Variants in PDS5B observed in about 807,000 individuals in gnomAD.
The protein encoded by PDS5B is PDS5 cohesin associated factor B, also known as sister chromatid cohesion protein PDS5 homolog B.
In PDS5B, 51 loss-of-function variants were observed where a neutral mutation model predicts 184.1. The ratio of observed to expected loss-of-function variants is 0.28; its 90% CI spans 0.22 to 0.35. The LOEUF (loss-of-function observed/expected upper bound fraction) is 0.35, where lower values mean the gene tolerates loss of function less well. PDS5B is among the 10% of genes least tolerant of loss of function. The pLI is 1.00. For synonymous variants in PDS5B, 566 were observed against 569.2 expected (o/e 0.99, Z 0.08); for missense variants, 1,180 against 1,723.3 (o/e 0.68, Z 5.58).
chr13:32,652,117 G>C (rs556017198), intron 3 of PDS5B, 110 bp downstream of exon 3: 1 of 736,454 alleles, frequency 1.4e-6, no homozygotes, highest in Non-Finnish European at 2.3e-6. Context: ...TTTGACATTA[G>C]CTACAGTAAT....
chr13:32,648,695 T>A (rs1442987364), intron 1 of PDS5B, 59 bp from the exon 2 acceptor site: 2 of 722,322 alleles, frequency 2.8e-6, no homozygotes, highest in African/African-American at 3.6e-5. Context: ...ACCATTTATG[T>A]TTGTTAAGAA....
rs1373600091 is a variant in PDS5B, at chr13:32,622,652, C to T, written c.-19-26102C>T. On this transcript the variant is annotated intron_variant, in intron 1 of 34. Transcript: ENST00000315596. The stretch of plus-strand genomic sequence containing the variant: ...TTAAAACTTGTACTGTGCCGGTGGA[C>T]ATGTTGGTTTGTCCCTCCGGGTCTA... Among the ~76,000 whole-genome samples the T allele has an allele frequency of 2.0e-5, 3 of 152,092 alleles. No individual in the cohort carries two copies. The East Asian group carries it at 5.8e-4, about 29-fold the overall frequency.
chr13:32,743,681 T>A (rs1171434513), intron 23 of PDS5B, among the ~76,000 whole-genome samples: 3 of 152,282 alleles, frequency 2.0e-5, no homozygotes, highest in Non-Finnish European at 1.5e-5. Flanking sequence ...TTGCTTATAC[T>A]GTATTCTTTG....
chr13:32,680,249 T>C (rs531392817), intron 10 of PDS5B, among the ~76,000 whole-genome samples: 12 of 152,182 alleles, frequency 7.9e-5, no homozygotes, highest in Non-Finnish European at 1.8e-4. Context: ...ATTGGCAATC[T>C]GTGGCTGTCT....
intron 13 of PDS5B, among the ~76,000 whole-genome samples, chr13:32,691,677 C>G (rs1013837572): frequency 1.3e-5 from 2 of 151,888 alleles, no homozygotes; most frequent in African/African-American, 4.8e-5. Context: ...TTAGAAAAGC[C>G]TTTCAGGAGA....
At chr13:32,755,811 T>C (rs957142378) in intron 25 of PDS5B, 31 bp from the exon 26 acceptor site, 9 of 1,077,450 alleles carry the variant, frequency 8.4e-6, no homozygotes, top group Non-Finnish European at 1.2e-5. Context: ...CTTTTGTTTT[T>C]TTTTGTTTGT....
At chr13:32,684,385 A>G (rs1593422045) in intron 11 of PDS5B, among the ~76,000 whole-genome samples, 1 of 152,158 alleles carries the variant, frequency 6.6e-6, no homozygotes, top group African/African-American at 2.4e-5. Context: ...CTGTTGTTAT[A>G]TGGGTATGAA....
Position 32,641,056 on chromosome 13 carries a change from C to CAAA in PDS5B, c.-19-7681_-19-7679dup, listed in dbSNP as rs71194532. Among the ~76,000 whole-genome samples, 83 of 95,018 alleles carry CAAA rather than the reference C, an allele frequency of 8.7e-4. 1 individual carries two copies. Among genetic ancestry groups the CAAA allele is most frequent in the African/African-American group, 2.5e-3 (75 of 29,448 alleles). 62.3% of individuals were successfully genotyped at this position (95,018 alleles called of 152,430 possible). ...TGGGTGACAGAGTGAGACTCCGTCTCAAAAAAAAAAAAAAAAAAATCACAT... is the reference window on the plus strand; with the variant it reads ...TGGGTGACAGAGTGAGACTCCGTCTCAAAAAAAAAAAAAAAAAAAAAATCACAT... On this transcript the variant is annotated intron_variant, in intron 1 of 34. Coordinates refer to ENST00000315596, the MANE Select transcript of PDS5B (RefSeq NM_015032.4).
chr13:32,739,422 CTAAA>C (rs1470890734), intron 21 of PDS5B, among the ~76,000 whole-genome samples: 5 of 152,208 alleles, frequency 3.3e-5, no homozygotes, highest in Non-Finnish European at 7.4e-5. Flanking sequence ...ATGTTAGGCA[CTAAA>C]TAAAGTTTTT....
intron 33 of PDS5B, 61 bp downstream of exon 33, chr13:32,770,822 T>C: frequency 8.2e-7 from 1 of 1,214,818 alleles, no homozygotes; most frequent in Non-Finnish European, 1.2e-6. Flanking sequence ...GTTCCTAAAT[T>C]TGTAAACATA....
intron 21 of PDS5B, among the ~76,000 whole-genome samples, chr13:32,738,863 G>C (rs1310305973): frequency 6.6e-6 from 1 of 151,888 alleles, no homozygotes; most frequent in African/African-American, 2.4e-5. Flanking sequence ...GTAGAGATGG[G>C]GTTTCACCAT....
chr13:32,717,553 C>CGGAA (rs1232841232), intron 19 of PDS5B, among the ~76,000 whole-genome samples: 3 of 135,436 alleles, frequency 2.2e-5, no homozygotes, highest in Non-Finnish European at 4.7e-5. Context: ...ACAAACACTG[C>CGGAA]GGAAGGCCGC....
chr13:32,751,398 TGGTAGTCCTGTTTTCA>T (rs1443249015), intron 24 of PDS5B, among the ~76,000 whole-genome samples: 6 of 152,252 alleles, frequency 3.9e-5, no homozygotes, highest in African/African-American at 1.2e-4. Context: ...CTATGTCAAA[TGGTAGTCCTGTTTTCA>T]GTTCTTTGAG....
Position 32,649,026 on chromosome 13 carries a change from A to G in PDS5B, c.108+146A>G, listed in dbSNP as rs931973989. 6 of 631,384 alleles carry G rather than the reference A, an allele frequency of 9.5e-6. No individual in the cohort carries two copies. In the East Asian group the frequency reaches 1.4e-4, roughly 15 times the overall value. The allele number at this position is 631,384 out of a possible 1,614,324, so 39.1% of individuals were successfully genotyped here. A position where few individuals can be genotyped will look rare whatever the true frequency, so the allele number is the denominator to read the frequency against. The stretch of plus-strand genomic sequence containing the variant: ...GCATAGAAAAGATCTAAGGGAGTAG[A>G]GTATATAAGGTACAGTGGGGATTAT... On this transcript the variant is annotated intron_variant, in intron 2 of 34. Coordinates refer to ENST00000315596, the MANE Select transcript of PDS5B (RefSeq NM_015032.4).
At position 32,628,620 on chromosome 13, in the gene PDS5B, T is replaced by A. The variant is rs544615166; in HGVS notation, c.-19-20134T>A. On this transcript the variant is annotated intron_variant, in intron 1 of 34. Coordinates refer to ENST00000315596, the MANE Select transcript of PDS5B (RefSeq NM_015032.4). The stretch of plus-strand genomic sequence containing the variant: ...ATTATGTAGATTTTTTTTTGGTGTT[T>A]TTTATTGCCCAATAGGTACTTTTTT... Among the ~76,000 whole-genome samples the A allele has an allele frequency of 1.1e-4, 17 of 152,302 alleles. No individual in the cohort carries two copies. The South Asian group carries it at 3.5e-3, about 32-fold the overall frequency.
intron 24 of PDS5B, among the ~76,000 whole-genome samples, chr13:32,746,605 G>C (rs1953751227): frequency 6.6e-6 from 1 of 152,196 alleles, no homozygotes; most frequent in Non-Finnish European, 1.5e-5. Context: ...TGGAACGCCA[G>C]ACAGCAGTTC....
intron 3 of PDS5B, 121 bp downstream of exon 3, chr13:32,652,128 C>A: frequency 2.1e-5 from 13 of 618,178 alleles, no homozygotes; most frequent in East Asian, 2.9e-5. Context: ...CTACAGTAAT[C>A]TTTTGCTAAA....
intron 13 of PDS5B, chr13:32,689,534 C>T (rs997034151): frequency 3.3e-5 from 5 of 152,034 alleles, no homozygotes; most frequent in African/African-American, 4.8e-5. Context: ...TATTTACTGT[C>T]CGGCCTTTTA....
chr13:32,618,551 T>C (rs2058251600), intron 1 of PDS5B, among the ~76,000 whole-genome samples: 1 of 152,148 alleles, frequency 6.6e-6, no homozygotes, highest in Non-Finnish European at 1.5e-5. Flanking sequence ...TTCAGTAGTA[T>C]ATGTTTTGGG....
Sources: gnomAD v4.1 joint callset for allele counts (sites outside exome capture counted in the v4.1 genomes callset) on GRCh38, gnomAD v4.1.1 for gene constraint, MANE v1.5 for transcripts, NCBI Gene and HGNC (gene_info 2026-07-23, HGNC 2026-07-21) for gene names.